Variants in SIM1 observed in about 807,000 individuals in gnomAD.
SIM1 encodes the protein single-minded homolog 1.
SIM1 carries 18 observed loss-of-function variants against 78.2 expected under a neutral mutation model. The ratio of observed to expected loss-of-function variants is 0.23; its 90% CI spans 0.16 to 0.34. The LOEUF is 0.34. SIM1 is among the 10% of genes least tolerant of loss of function. The pLI, the probability that SIM1 is intolerant of heterozygous loss-of-function variation, is 1.00. For missense variants in SIM1, 939 were observed against 975.1 expected (o/e 0.96, Z 0.49); for synonymous variants, 417 against 385.2 (o/e 1.08, Z -0.97).
chr6:100,423,994 G>A (rs1321646728), intron 9 of SIM1, among the ~76,000 whole-genome samples: 6 of 152,072 alleles, frequency 3.9e-5, no homozygotes, highest in Admixed American at 3.9e-4. Context: ...TCTCAGCCCA[G>A]GGATTTTATG....
intron 9 of SIM1, among the ~76,000 whole-genome samples, chr6:100,422,858 GA>G (rs1438918246): frequency 2.0e-5 from 3 of 152,078 alleles, no homozygotes; most frequent in Admixed American, 1.3e-4. Context: ...TTCAGACAAG[GA>G]GTCTCTTAAG....
intron 2 of SIM1, among the ~76,000 whole-genome samples, chr6:100,457,392 A>G (rs1174936988): frequency 6.6e-6 from 1 of 152,100 alleles, no homozygotes; most frequent in African/African-American, 2.4e-5. Context: ...TGAGGAGGGG[A>G]AAGCCCTCCT....
Position 100,447,299 on chromosome 6 carries a change from G to A in SIM1, c.967C>T (p.His323Tyr), listed in dbSNP as rs756633599. 5 of 1,614,244 alleles carry A rather than the reference G, an allele frequency of 3.1e-6. No homozygotes were observed. In the Admixed American group the frequency reaches 5.0e-5, roughly 16 times the overall value. The change falls in exon 9 of 12, where the codon CAC (histidine) becomes TAC (tyrosine). Residue 323 changes from histidine (H) to tyrosine (Y), a missense_variant. Coordinates refer to ENST00000369208, the MANE Select transcript of SIM1 (RefSeq NM_005068.3). ...ACATAGTTGACGCTGACGATACAGT[G>A]TGGCCTGGAGGAGCGACTGTTGTGC... ...IVHNSRSSRP[H>Y]CIVSVNYVLT...
intron 9 of SIM1, chr6:100,437,151 C>A (rs1210757781): frequency 1.3e-5 from 2 of 152,132 alleles, no homozygotes; most frequent in Non-Finnish European, 2.9e-5. Flanking sequence ...CATTCTAGAG[C>A]CCAACTTCTT....
At chr6:100,447,816 G>A (rs1443971809) in intron 8 of SIM1, among the ~76,000 whole-genome samples, 1 of 152,262 alleles carries the variant, frequency 6.6e-6, no homozygotes, top group Non-Finnish European at 1.5e-5. Flanking sequence ...GTCAACGCAA[G>A]TGAGCGCCAG....
At chr6:100,407,521 C>T (rs187113344) in intron 10 of SIM1, among the ~76,000 whole-genome samples, 1 of 151,904 alleles carries the variant, frequency 6.6e-6, no homozygotes, top group Non-Finnish European at 1.5e-5. Flanking sequence ...TTTTGAAGAA[C>T]TTTCATACCA....
At chr6:100,434,893 G>A (rs548359120) in intron 9 of SIM1, among the ~76,000 whole-genome samples, 22 of 152,278 alleles carry the variant, frequency 1.4e-4, no homozygotes, top group Non-Finnish European at 2.4e-4. Context: ...TCCCTGGAGC[G>A]GGGGTGGGGG....
intron 3 of SIM1, among the ~76,000 whole-genome samples, chr6:100,451,374 T>C (rs1772509091): frequency 6.6e-6 from 1 of 152,080 alleles, no homozygotes; most frequent in South Asian, 2.1e-4. Flanking sequence ...TATTCTGAGG[T>C]GATGAATTTG....
At chr6:100,439,406 G>A (rs1772147031) in intron 9 of SIM1, among the ~76,000 whole-genome samples, 1 of 152,146 alleles carries the variant, frequency 6.6e-6, no homozygotes, top group Non-Finnish European at 1.5e-5. Context: ...TGTGTCCTTA[G>A]CAAATGGTGC....
At chr6:100,426,119 C>T (rs1420636053) in intron 9 of SIM1, among the ~76,000 whole-genome samples, 1 of 152,206 alleles carries the variant, frequency 6.6e-6, no homozygotes, top group Non-Finnish European at 1.5e-5. Flanking sequence ...GGAAAAGTTA[C>T]ATTTTTTTCT....
intron 9 of SIM1, among the ~76,000 whole-genome samples, chr6:100,441,041 A>G (rs1289556444): frequency 6.6e-6 from 1 of 152,214 alleles, no homozygotes; most frequent in East Asian, 1.9e-4. Context: ...TTTTTCTACA[A>G]TGTGAGTCAA....
intron 2 of SIM1, among the ~76,000 whole-genome samples, chr6:100,459,765 C>CT (rs1020966524): frequency 6.6e-6 from 1 of 152,202 alleles, no homozygotes; most frequent in Non-Finnish European, 1.5e-5. Context: ...TTCTGAATAG[C>CT]TATAGATCAG....
intron 10 of SIM1, chr6:100,396,185 G>A (rs997298213): frequency 2.1e-5 from 9 of 426,052 alleles, no homozygotes; most frequent in Non-Finnish European, 6.3e-6. Flanking sequence ...GGGGATCCAA[G>A]TGCTATACAT....
chr6:100,446,896 A>T (rs975580075), intron 9 of SIM1, among the ~76,000 whole-genome samples: 2 of 152,196 alleles, frequency 1.3e-5, no homozygotes, highest in Admixed American at 1.3e-4. Context: ...AATGAAACAG[A>T]TGTCCTGTTT....
intron 10 of SIM1, among the ~76,000 whole-genome samples, chr6:100,401,354 G>T (rs919111096): frequency 1.1e-4 from 17 of 152,116 alleles, no homozygotes; most frequent in African/African-American, 3.1e-4. Flanking sequence ...GTACTAGAGA[G>T]AAAATAACAA....
intron 10 of SIM1, among the ~76,000 whole-genome samples, chr6:100,404,237 G>A (rs1770998823): frequency 2.0e-5 from 3 of 152,180 alleles, no homozygotes; most frequent in Admixed American, 6.5e-5. Context: ...TTCCAGACAG[G>A]TGCTCTGCAT....
rs779591420 is a variant in SIM1 at position 100,449,367 on chromosome 6, T to C, written c.539A>G (p.Tyr180Cys). The stretch of plus-strand genomic sequence containing the variant: ...GCGGATCTTCCAGCTACGCACCTTG[T>C]AGCCGCCACAGGTGAGGCCGGCGTT... Reference protein sequence around the residue: ...KRNAGLTCGGYKVIHCSGYLK... With the variant: ...KRNAGLTCGGCKVIHCSGYLK... Residue 180 changes from tyrosine to cysteine, a missense_variant, in exon 6 of 12, where the codon TAC becomes TGC. Coordinates refer to ENST00000369208, the MANE Select transcript of SIM1 (RefSeq NM_005068.3). 10 of 1,613,308 alleles carry C rather than the reference T, an allele frequency of 6.2e-6. No individual in the cohort carries two copies. The Admixed American group carries it at 1.3e-4, about 22-fold the overall frequency.
chr6:100,443,634 A>G (rs1344019449), intron 9 of SIM1, among the ~76,000 whole-genome samples: 1 of 152,126 alleles, frequency 6.6e-6, no homozygotes, highest in Non-Finnish European at 1.5e-5. Context: ...TAACGGCACC[A>G]GTAAACTAGC....
chr6:100,455,110 A>T lies in SIM1; in HGVS notation c.176-1266T>A, dbSNP rs539940335. The stretch of plus-strand genomic sequence containing the variant: ...AATAAAACATGGAGTTGGATTTTTT[A>T]AAAGGTGTTGGCTAGGAGCTGCTTC... On this transcript the variant is annotated intron_variant, in intron 2 of 11. Coordinates refer to ENST00000369208, the MANE Select transcript of SIM1 (RefSeq NM_005068.3). Among the ~76,000 whole-genome samples, 72 of 152,208 alleles carry T rather than the reference A, an allele frequency of 4.7e-4. 3 individuals are homozygous for T. The South Asian group carries it at 0.014, about 30-fold the overall frequency.
Sources: allele counts gnomAD v4.1 joint callset (sites outside exome capture counted in the v4.1 genomes callset), GRCh38; gene constraint gnomAD v4.1.1; transcripts MANE v1.5; gene names NCBI Gene and HGNC (gene_info 2026-07-23, HGNC 2026-07-21).